The following MYOZ3 variants were observed in gnomAD, a reference collection of about 807,000 sequenced individuals.
MYOZ3 encodes myozenin-3.
In MYOZ3, 19 loss-of-function variants were observed where a neutral mutation model predicts 26.5. The ratio of observed to expected loss-of-function variants is 0.72; its 90% CI spans 0.50 to 1.05. MYOZ3 has a LOEUF of 1.05. Ranked by LOEUF, MYOZ3 falls within the 50% of genes least tolerant of loss-of-function variation. The pLI is 0.00. For synonymous variants in MYOZ3, 135 were observed against 138.8 expected (o/e 0.97, Z 0.19); for missense variants, 322 against 337.1 (o/e 0.96, Z 0.35).
At chr5:150,671,377 T>C (rs1758906368) in intron 3 of MYOZ3, 2 of 588,458 alleles carry the variant, frequency 3.4e-6, no homozygotes, top group Admixed American at 6.1e-5. Flanking sequence ...ATTAAGTATC[T>C]TGCCCGGACT....
chr5:150,663,163 G>T (rs988527222), intron 2 of MYOZ3, among the ~76,000 whole-genome samples, 161 bp downstream of exon 2: 1 of 152,244 alleles, frequency 6.6e-6, no homozygotes, highest in Non-Finnish European at 1.5e-5. Flanking sequence ...AGGCTGGGAA[G>T]CTTCCCTGAG....
At chr5:150,663,852 G>C (rs1465907977) in intron 2 of MYOZ3, among the ~76,000 whole-genome samples, 1 of 151,804 alleles carries the variant, frequency 6.6e-6, no homozygotes, top group East Asian at 1.9e-4. Flanking sequence ...AATTAGCCAG[G>C]CATGGTGGCA....
chr5:150,672,333 C>A lies in MYOZ3; in HGVS notation c.425-7C>A, dbSNP rs1758930739. 6.3e-7 allele frequency: 1 copy of A among 1,596,770 alleles called. No homozygotes were observed. The highest frequency in any genetic ancestry group is 8.5e-7 in the Non-Finnish European group (1 of 1,172,410). On this transcript the variant is annotated splice_polypyrimidine_tract_variant and splice_region_variant and intron_variant, in intron 5 of 6. Coordinates refer to ENST00000517768, the MANE Select transcript of MYOZ3 (RefSeq NM_001122853.3). ...ACGGAGGCGCTCCCTTCCCCCCGCG[C>A]CCCTAGGCTATGCGGAGCCGCTGAA...
chr5:150,671,207 A>G (rs1413090572), intron 3 of MYOZ3, among the ~76,000 whole-genome samples: 1 of 152,202 alleles, frequency 6.6e-6, no homozygotes, highest in Non-Finnish European at 1.5e-5. Flanking sequence ...TGTGGCAGAA[A>G]AATAAAGATG....
chr5:150,667,398 G>A (rs190478348), intron 2 of MYOZ3, among the ~76,000 whole-genome samples: 32 of 152,156 alleles, frequency 2.1e-4, no homozygotes, highest in Middle Eastern at 3.4e-3. Flanking sequence ...AGCATCCTCC[G>A]CCACATCTGT....
chr5:150,675,769 G>A (rs937518867), intron 6 of MYOZ3, among the ~76,000 whole-genome samples: 1 of 152,202 alleles, frequency 6.6e-6, no homozygotes, highest in African/African-American at 2.4e-5. Context: ...TCACTAATGT[G>A]CTGCTCAGGT....
chr5:150,671,846 A>C lies in MYOZ3; in HGVS notation c.362A>C (p.Glu121Ala). 1 of 1,606,854 alleles carries C rather than the reference A, an allele frequency of 6.2e-7. No individual in the cohort carries two copies. The highest frequency in any genetic ancestry group is 8.5e-7 in the Non-Finnish European group (1 of 1,178,150). The change falls in exon 5 of 7, where the codon GAG becomes GCG. Residue 121 changes from glutamate (E) to alanine (A), a missense_variant. Physicochemically the swap from Glu to Ala is moderately radical, Grantham distance 107. Coordinates refer to ENST00000517768, the MANE Select transcript of MYOZ3 (RefSeq NM_001122853.3). ...ASPGASLGGP[E>A]GAHPAAAPAG... Reference sequence around the variant, plus strand: ...CCCGGGGCCTCACTCGGGGGTCCCGAGGGCGCCCACCCTGCAGCCGCCCCT... The same window carrying C: ...CCCGGGGCCTCACTCGGGGGTCCCGCGGGCGCCCACCCTGCAGCCGCCCCT...
At position 150,671,644 on chromosome 5, in the gene MYOZ3, G is replaced by A. The variant is rs759730300; in HGVS notation, c.264G>A (p.Ser88=). ...ARRKVTGTAE[S]GTVANANGPE... ...GGAAGGTGACTGGAACAGCGGAGTC[G>A]GGGACGGTGAGCGTGGAGGGGAGCT... Residue 88 remains serine, a synonymous_variant, in exon 4 of 7, where the codon TCG becomes TCA. Transcript: ENST00000517768. The A allele has an allele frequency of 1.1e-5, 18 of 1,613,770 alleles. No homozygotes were observed. In the South Asian group the frequency reaches 1.8e-4, roughly 16 times the overall value.
chr5:150,675,802 C>T (rs116227646), intron 6 of MYOZ3, among the ~76,000 whole-genome samples: 163 of 152,340 alleles, frequency 1.1e-3, no homozygotes, highest in African/African-American at 3.7e-3. Flanking sequence ...GCCTACGCGC[C>T]TGTGCTTTCC....
chr5:150,671,711 C>T (rs771055236), intron 4 of MYOZ3, 44 bp from the exon 5 acceptor site: 2 of 1,613,120 alleles, frequency 1.2e-6, no homozygotes, highest in South Asian at 2.2e-5. Flanking sequence ...CGGCTGGGGG[C>T]GGGAGGTCGT....
Position 150,662,985 on chromosome 5 carries a change from G to A in MYOZ3, c.44G>A (p.Gly15Glu), listed in dbSNP as rs147827463. The A allele has an allele frequency of 6.2e-7, 1 of 1,612,108 alleles. No individual in the cohort carries two copies. Among genetic ancestry groups the A allele is most frequent in the South Asian group, 1.1e-5 (1 of 90,636 alleles). ...EQKGPVMAAM[G>E]DLTEPVPTLD... ...AAGGGGCCAGTGATGGCTGCCATGG[G>A]GGACCTCACTGAACCAGGTAAGGTG... Residue 15 changes from glycine to glutamate, a missense_variant, in exon 2 of 7, where the codon GGG becomes GAG. Gly to Glu is a moderately conservative substitution (Grantham distance 98). Transcript: ENST00000517768.
rs1759051103 is a variant in MYOZ3 at position 150,678,388 on chromosome 5, A to T, written c.*1513A>T. ...CTAATTCTCAGAACAACCCTGAGAGAAAGATATTGTTGTCCCCACTTTACA... is the reference window on the plus strand; with the variant it reads ...CTAATTCTCAGAACAACCCTGAGAGTAAGATATTGTTGTCCCCACTTTACA... On this transcript the variant is annotated 3_prime_UTR_variant, in exon 7 of 7. Transcript: ENST00000517768. 3 of 152,268 alleles carry T rather than the reference A, an allele frequency of 2.0e-5. No homozygotes were observed. The allele number at this position is 152,268 out of a possible 1,614,324, so 9.4% of individuals were successfully genotyped here.
chr5:150,670,491 G>C lies in MYOZ3; in HGVS notation c.69G>C (p.Thr23=), dbSNP rs551250073. Reference sequence around the variant, plus strand: ...TCTGGCCTTTCCTGGCAGTCCCTACGCTGGACCTGGGCAAGAAGCTGAGCG... The same window carrying C: ...TCTGGCCTTTCCTGGCAGTCCCTACCCTGGACCTGGGCAAGAAGCTGAGCG... The part of the protein sequence containing the change: ...AMGDLTEPVP[T]LDLGKKLSVP... The change falls in exon 3 of 7, where the codon ACG becomes ACC. Residue 23 remains threonine, a synonymous_variant. Coordinates refer to ENST00000517768, the MANE Select transcript of MYOZ3 (RefSeq NM_001122853.3). 1.9e-6 allele frequency: 3 copies of C among 1,610,470 alleles called. No homozygotes were observed. Among genetic ancestry groups the C allele is most frequent in the Non-Finnish European group, 1.7e-6 (2 of 1,178,206 alleles).
chr5:150,670,692 T>C, intron 3 of MYOZ3, 54 bp downstream of exon 3: 2 of 1,538,754 alleles, frequency 1.3e-6, no homozygotes, highest in Non-Finnish European at 1.8e-6. Flanking sequence ...AGAGAGCCAC[T>C]GGTTAGCCTA....
At chr5:150,675,328 G>A (rs930338401) in intron 6 of MYOZ3, among the ~76,000 whole-genome samples, 20 of 151,982 alleles carry the variant, frequency 1.3e-4, no homozygotes, top group African/African-American at 4.6e-4. Flanking sequence ...ATACTAATAC[G>A]TAGAGCTCTA....
chr5:150,664,166 G>A (rs566706888), intron 2 of MYOZ3, among the ~76,000 whole-genome samples: 7 of 152,142 alleles, frequency 4.6e-5, no homozygotes, highest in Non-Finnish European at 7.3e-5. Context: ...TGCCTTCAGC[G>A]TGCTAAGGAG....
At chr5:150,675,264 C>T (rs1213069994) in intron 6 of MYOZ3, among the ~76,000 whole-genome samples, 2 of 139,660 alleles carry the variant, frequency 1.4e-5, no homozygotes, top group Non-Finnish European at 2.9e-5. Context: ...ATACTTTGCA[C>T]TTCATTCTGT....
intron 6 of MYOZ3, among the ~76,000 whole-genome samples, chr5:150,675,525 AC>A (rs1407523845): frequency 3.9e-5 from 6 of 152,044 alleles, no homozygotes; most frequent in Admixed American, 6.6e-5. Flanking sequence ...GTCACCCACC[AC>A]CATGCCCATC....
chr5:150,664,765 T>C (rs1310704550), intron 2 of MYOZ3, among the ~76,000 whole-genome samples: 5 of 152,170 alleles, frequency 3.3e-5, no homozygotes, highest in African/African-American at 1.2e-4. Context: ...TGTTTCTTTA[T>C]TACATGGTTA....
Sources: allele counts gnomAD v4.1 joint callset (sites outside exome capture counted in the v4.1 genomes callset), GRCh38; gene constraint gnomAD v4.1.1; transcripts MANE v1.5; gene names NCBI Gene and HGNC (gene_info 2026-07-23, HGNC 2026-07-21).